Variants in FAM210A observed in about 807,000 individuals in gnomAD.
The protein encoded by FAM210A is mitochondrial inner membrane scaffold 1.
A neutral mutation model predicts 25.3 loss-of-function variants in FAM210A; 13 were observed. That is an observed-to-expected ratio of 0.51 (90% confidence interval 0.33 to 0.82). FAM210A has a LOEUF of 0.82. Among genes scored for constraint, FAM210A ranks in the 40% least tolerant of loss-of-function variants. The pLI, the probability that FAM210A is intolerant of heterozygous loss-of-function variation, is 0.02. For synonymous variants in FAM210A, 125 were observed against 118.7 expected (o/e 1.05, Z -0.35); for missense variants, 319 against 323.2 (o/e 0.99, Z 0.10).
chr18:13,695,847 A>G (rs1428134175), intron 1 of FAM210A, among the ~76,000 whole-genome samples: 3 of 152,160 alleles, frequency 2.0e-5, no homozygotes, highest in Non-Finnish European at 4.4e-5. Flanking sequence ...TGTACCCTAG[A>G]ACTTAAAGTA....
chr18:13,722,146 G>A (rs973239352), intron 1 of FAM210A, among the ~76,000 whole-genome samples: 1 of 151,950 alleles, frequency 6.6e-6, no homozygotes, highest in East Asian at 1.9e-4. Context: ...GAATTCAGTA[G>A]ACTGCCCAAC....
intron 1 of FAM210A, among the ~76,000 whole-genome samples, chr18:13,726,063 G>T (rs1359765530): frequency 1.3e-5 from 2 of 152,210 alleles, no homozygotes; most frequent in African/African-American, 4.8e-5. Context: ...AGCAAAGGAG[G>T]CTGAAAAACA....
At chr18:13,699,659 T>C (rs1300421945) in intron 1 of FAM210A, among the ~76,000 whole-genome samples, 1 of 152,244 alleles carries the variant, frequency 6.6e-6, no homozygotes, top group Non-Finnish European at 1.5e-5. Flanking sequence ...GCAGGAAGAA[T>C]GGAGGCTTTG....
At chr18:13,680,454 G>T (rs1465448263) in intron 2 of FAM210A, among the ~76,000 whole-genome samples, 1 of 152,030 alleles carries the variant, frequency 6.6e-6, no homozygotes, top group Non-Finnish European at 1.5e-5. Flanking sequence ...AAGTGAAACA[G>T]AACAGCATCA....
In FAM210A at chr18:13,665,681, G is replaced by T. The variant is rs2043395284; in HGVS notation, c.*799C>A. ...CTGACAAATATTTGATTTTAACAAT[G>T]AATTTAAGGTTTAATGATTTTTTAC... On this transcript the variant is annotated 3_prime_UTR_variant, in exon 4 of 4. Transcript: ENST00000651643. The T allele has an allele frequency of 1.3e-5, 2 of 151,788 alleles. No homozygotes were observed. Among genetic ancestry groups the T allele is most frequent in the Admixed American group, 1.3e-4 (2 of 15,220 alleles). 9.4% of individuals were successfully genotyped at this position (151,788 alleles called of 1,614,324 possible).
In FAM210A at chr18:13,680,292, C is replaced by A. The variant is rs575804779; in HGVS notation, c.473+1313G>T. 2.6e-5 allele frequency among the ~76,000 whole-genome samples: 4 copies of A among 152,304 alleles called. No individual in the cohort carries two copies. The South Asian group carries it at 6.2e-4, about 24-fold the overall frequency. ...TTTGAAGACTTCTATAAATATTAAT[C>A]ATGTCCAAAAATGTCATTAATAAAC... On this transcript the variant is annotated intron_variant, in intron 2 of 3. Coordinates refer to ENST00000651643, the MANE Select transcript of FAM210A (RefSeq NM_152352.4).
intron 2 of FAM210A, among the ~76,000 whole-genome samples, chr18:13,676,260 CTT>C (rs1302094186): frequency 7.0e-6 from 1 of 142,720 alleles, no homozygotes; most frequent in Admixed American, 7.0e-5. Flanking sequence ...TGAGCCCTGG[CTT>C]CTTTATTTCC....
chr18:13,690,623 G>A (rs982444767), intron 1 of FAM210A, among the ~76,000 whole-genome samples: 4 of 152,200 alleles, frequency 2.6e-5, no homozygotes, highest in Non-Finnish European at 5.9e-5. Flanking sequence ...AGCCTCTGCT[G>A]GTGATACCCA....
chr18:13,675,793 T>C (rs71353289), intron 2 of FAM210A, among the ~76,000 whole-genome samples: 73 of 6,872 alleles, frequency 0.011, no homozygotes, highest in Admixed American at 0.016. Flanking sequence ...TCCTGAGCCC[T>C]GGCTTCATTA....
At chr18:13,685,294 A>AT (rs71174190) in intron 1 of FAM210A, among the ~76,000 whole-genome samples, 36,932 of 143,710 alleles carry the variant, frequency 0.26, 5,213 homozygotes, top group Non-Finnish European at 0.34. Flanking sequence ...CTGCAAAGCC[A>AT]TTTTTTTTTT....
intron 1 of FAM210A, among the ~76,000 whole-genome samples, chr18:13,695,751 T>C (rs980119684): frequency 6.6e-6 from 1 of 151,256 alleles, no homozygotes; most frequent in Admixed American, 6.6e-5. Context: ...TTAGGAGATA[T>C]ACCTAATGTA....
chr18:13,713,494 C>G (rs2149069454), intron 1 of FAM210A, among the ~76,000 whole-genome samples: 1 of 152,254 alleles, frequency 6.6e-6, no homozygotes, highest in East Asian at 1.9e-4. Flanking sequence ...CATGTGTACA[C>G]ATACATAAAT....
intron 1 of FAM210A, among the ~76,000 whole-genome samples, chr18:13,723,222 G>C (rs985128914): frequency 2.6e-5 from 4 of 152,070 alleles, no homozygotes; most frequent in African/African-American, 9.7e-5. Flanking sequence ...CTTTGAATCT[G>C]ATCAGTTTGG....
At chr18:13,691,054 T>C (rs2043639768) in intron 1 of FAM210A, among the ~76,000 whole-genome samples, 1 of 151,960 alleles carries the variant, frequency 6.6e-6, no homozygotes, top group Admixed American at 6.6e-5. Context: ...TGAAGAGAAG[T>C]CCTTAAATGA....
intron 1 of FAM210A, among the ~76,000 whole-genome samples, chr18:13,698,351 C>CAAAAAA (rs11464991): frequency 6.5e-4 from 47 of 72,730 alleles, no homozygotes; most frequent in African/African-American, 7.7e-4. Flanking sequence ...GACTCCATCT[C>CAAAAAA]AAAAAAAAAA....
chr18:13,722,834 C>A lies in FAM210A; in HGVS notation c.-29+3495G>T, dbSNP rs181231683. Among the ~76,000 whole-genome samples the A allele has an allele frequency of 1.4e-5, 2 of 141,196 alleles. 1 individual carries two copies. Among genetic ancestry groups the A allele is most frequent in the South Asian group, 4.9e-4 (2 of 4,084 alleles). 92.6% of individuals were successfully genotyped at this position (141,196 alleles called of 152,430 possible). A position where few individuals can be genotyped will look rare whatever the true frequency, so the allele number is the denominator to read the frequency against. Reference sequence around the variant, plus strand: ...TCGGGAATTTGAAGCCTTAAGCTCCCCTTTTCTTTCCTTTCTTTTTTTTTT... The same window carrying A: ...TCGGGAATTTGAAGCCTTAAGCTCCACTTTTCTTTCCTTTCTTTTTTTTTT... On this transcript the variant is annotated intron_variant, in intron 1 of 3. Transcript: ENST00000651643.
chr18:13,695,821 C>T (rs371701369), intron 1 of FAM210A, among the ~76,000 whole-genome samples: 15 of 151,940 alleles, frequency 9.9e-5, no homozygotes, highest in African/African-American at 2.2e-4. Flanking sequence ...TGTAACAAAC[C>T]GGCACGTTGT....
intron 1 of FAM210A, among the ~76,000 whole-genome samples, chr18:13,702,222 C>A (rs1448595904): frequency 1.3e-5 from 2 of 152,188 alleles, no homozygotes; most frequent in Non-Finnish European, 2.9e-5. Flanking sequence ...TCTCCCTGTG[C>A]AAACTGGTTG....
chr18:13,695,190 C>A (rs1056800159), intron 1 of FAM210A, among the ~76,000 whole-genome samples: 2 of 152,112 alleles, frequency 1.3e-5, no homozygotes, highest in Non-Finnish European at 2.9e-5. Flanking sequence ...GTTAGAATGG[C>A]GATCATTAAA....
Sources: allele counts gnomAD v4.1 joint callset (sites outside exome capture counted in the v4.1 genomes callset), GRCh38; gene constraint gnomAD v4.1.1; transcripts MANE v1.5; gene names NCBI Gene and HGNC (gene_info 2026-07-23, HGNC 2026-07-21).